Variants in GRM5 observed in about 807,000 individuals in gnomAD.
GRM5 encodes glutamate metabotropic receptor 5.
GRM5 carries 19 observed loss-of-function variants against 83.1 expected under a neutral mutation model. The ratio of observed to expected loss-of-function variants is 0.23; its 90% CI spans 0.16 to 0.34. The LOEUF (loss-of-function observed/expected upper bound fraction) is 0.34. GRM5 is among the 10% of genes least tolerant of loss of function. The pLI is 1.00. For synonymous variants in GRM5, 675 were observed against 633.6 expected, an observed-to-expected ratio of 1.07 and a Z score of -0.98; for missense variants, 1,160 against 1,588.3, an observed-to-expected ratio of 0.73 and a Z score of 4.58.
At chr11:89,063,840 A>G (rs1244157436) in intron 1 of GRM5, among the ~76,000 whole-genome samples, 2 of 152,222 alleles carry the variant, frequency 1.3e-5, no homozygotes, top group African/African-American at 4.8e-5. Flanking sequence ...CTGGATGGGT[A>G]GACCAGCTCT....
chr11:88,506,253 T>C lies in GRM5; in HGVS notation c.*2339A>G, dbSNP rs2135065915. 6.6e-6 allele frequency: 1 copy of C among 152,284 alleles called. No individual in the cohort carries two copies. The highest frequency in any genetic ancestry group is 1.5e-5 in the Non-Finnish European group (1 of 67,986). 9.4% of individuals were successfully genotyped at this position (152,284 alleles called of 1,614,324 possible). On this transcript the variant is annotated 3_prime_UTR_variant, in exon 10 of 10. Coordinates refer to ENST00000305447, the MANE Select transcript of GRM5 (RefSeq NM_001143831.3). ...TGTTACTAAAAAAATAGAAAATGAA[T>C]TTGACCATGAACAAAGTTTAAACAT... is the stretch of plus-strand genomic sequence containing the variant.
chr11:88,782,431 A>G lies in GRM5; in HGVS notation c.911+67475T>C, dbSNP rs143983590. Among the ~76,000 whole-genome samples, 40 of 152,254 alleles carry G rather than the reference A, an allele frequency of 2.6e-4. No homozygotes were observed. The East Asian group carries it at 7.2e-3, about 27-fold the overall frequency. Reference sequence around the variant, plus strand: ...CCCATTTTTAAAACCATCAGATCCCATAAGACTTATTCACTGTCACAAGAA... The same window carrying G: ...CCCATTTTTAAAACCATCAGATCCCGTAAGACTTATTCACTGTCACAAGAA... On this transcript the variant is annotated intron_variant, in intron 3 of 9. Coordinates refer to ENST00000305447, the MANE Select transcript of GRM5 (RefSeq NM_001143831.3).
At chr11:88,740,118 TG>T (rs1941997548) in intron 3 of GRM5, among the ~76,000 whole-genome samples, 1 of 152,102 alleles carries the variant, frequency 6.6e-6, no homozygotes, top group Admixed American at 6.6e-5. Flanking sequence ...TACTTTGTAA[TG>T]GCTAAGTACA....
chr11:89,010,902 T>C (rs189875344), intron 2 of GRM5, among the ~76,000 whole-genome samples: 7 of 152,228 alleles, frequency 4.6e-5, no homozygotes, highest in Admixed American at 2.6e-4. Context: ...TATGAGAAAA[T>C]GAGAAGCCTT....
chr11:88,631,995 C>T (rs1017600954), intron 4 of GRM5, among the ~76,000 whole-genome samples: 1 of 152,086 alleles, frequency 6.6e-6, no homozygotes, highest in African/African-American at 2.4e-5. Context: ...TATTAAAGTA[C>T]TATTGACATA....
chr11:88,910,884 C>A (rs372349633), intron 2 of GRM5, among the ~76,000 whole-genome samples: 5 of 151,896 alleles, frequency 3.3e-5, no homozygotes, highest in Admixed American at 1.3e-4. Context: ...AAATATGCAA[C>A]CCAAAATCCA....
At position 88,508,263 on chromosome 11, in the gene GRM5, G is replaced by A. The variant is rs1941233880; in HGVS notation, c.*329C>T. On this transcript the variant is annotated 3_prime_UTR_variant, in exon 10 of 10. Coordinates refer to ENST00000305447, the MANE Select transcript of GRM5 (RefSeq NM_001143831.3). This position sits in a 1 kb window ranked among gnomAD's most constrained non-coding sequence, Gnocchi z 4.2. Reference sequence around the variant, plus strand: ...AACTATGCTCTTCACCCTCCGTTACGCTGTTTCACACGCACTGCTTCCCTA... The same window carrying A: ...AACTATGCTCTTCACCCTCCGTTACACTGTTTCACACGCACTGCTTCCCTA... The A allele has an allele frequency of 5.0e-6, 1 of 200,098 alleles. No individual in the cohort carries two copies. Among genetic ancestry groups the A allele is most frequent in the East Asian group, 1.2e-4 (1 of 8,032 alleles). 12.4% of individuals were successfully genotyped at this position (200,098 alleles called of 1,614,324 possible).
At chr11:89,058,849 A>T (rs1003488285) in intron 1 of GRM5, among the ~76,000 whole-genome samples, 1 of 152,216 alleles carries the variant, frequency 6.6e-6, no homozygotes, top group African/African-American at 2.4e-5. Flanking sequence ...AGTTTATTAT[A>T]ATTTTAACAA....
At chr11:88,819,423 A>T (rs1340915105) in intron 3 of GRM5, among the ~76,000 whole-genome samples, 1 of 152,216 alleles carries the variant, frequency 6.6e-6, no homozygotes, top group Non-Finnish European at 1.5e-5. Flanking sequence ...GTCTAAATTA[A>T]CATGTAGCTA....
At chr11:88,855,670 G>A (rs1413938286) in intron 2 of GRM5, among the ~76,000 whole-genome samples, 1 of 151,754 alleles carries the variant, frequency 6.6e-6, no homozygotes, top group Non-Finnish European at 1.5e-5. Flanking sequence ...GTTTTATCAT[G>A]GGATTTCTAA....
At chr11:89,048,185 A>G (rs1454384227) in intron 1 of GRM5, 113 bp from the exon 2 acceptor site, 1 of 250,674 alleles carries the variant, frequency 4.0e-6, no homozygotes, top group Non-Finnish European at 7.7e-6. Flanking sequence ...GATAACGAAG[A>G]AAAAAAATTC....
At chr11:88,601,096 T>G (rs1019646739) in intron 5 of GRM5, among the ~76,000 whole-genome samples, 9 of 152,346 alleles carry the variant, frequency 5.9e-5, no homozygotes, top group African/African-American at 1.9e-4. Context: ...AGGTAAATTT[T>G]TACTTGATGA....
intron 2 of GRM5, among the ~76,000 whole-genome samples, chr11:88,884,337 G>T (rs1945007586): frequency 6.6e-6 from 1 of 152,132 alleles, no homozygotes. Flanking sequence ...AAGCCCCTTT[G>T]TTTTGGCCAA....
intron 2 of GRM5, among the ~76,000 whole-genome samples, chr11:88,933,299 AAAT>A (rs1301583739): frequency 6.6e-6 from 1 of 151,156 alleles, no homozygotes; most frequent in Non-Finnish European, 1.5e-5. Context: ...CATAATTAAA[AAAT>A]AATAATAACA....
intron 3 of GRM5, among the ~76,000 whole-genome samples, chr11:88,763,288 GT>G (rs1418030507): frequency 9.9e-5 from 15 of 151,658 alleles, no homozygotes; most frequent in Non-Finnish European, 1.9e-4. Flanking sequence ...AGTCTGTAGG[GT>G]TAAATTAAGG....
intron 8 of GRM5, among the ~76,000 whole-genome samples, chr11:88,535,353 C>T (rs970554988): frequency 3.3e-5 from 5 of 152,204 alleles, no homozygotes; most frequent in African/African-American, 1.2e-4. Flanking sequence ...ATTAATAAAA[C>T]ACTGGAAAAC....
chr11:88,942,993 T>C (rs1938163975), intron 2 of GRM5, among the ~76,000 whole-genome samples: 2 of 152,068 alleles, frequency 1.3e-5, no homozygotes, highest in Admixed American at 6.6e-5. Context: ...ACCATTTCTT[T>C]ATTCCTTCCA....
chr11:88,999,618 GAACACTTTTAC>G (rs1940304171), intron 2 of GRM5, among the ~76,000 whole-genome samples: 1 of 152,086 alleles, frequency 6.6e-6, no homozygotes, highest in Admixed American at 6.5e-5. Context: ...GGAAAAATAG[GAACACTTTTAC>G]ACTGTTGGTG....
intron 2 of GRM5, among the ~76,000 whole-genome samples, chr11:89,003,995 G>A (rs1252299597): frequency 6.6e-6 from 1 of 152,174 alleles, no homozygotes; most frequent in Non-Finnish European, 1.5e-5. Context: ...TAAGGTCGGA[G>A]TGAAGGCTTA....
Sources: allele counts gnomAD v4.1 joint callset (sites outside exome capture counted in the v4.1 genomes callset), GRCh38; gene constraint gnomAD v4.1.1; non-coding constraint Gnocchi (gnomAD v3.1); transcripts MANE v1.5; gene names NCBI Gene and HGNC (gene_info 2026-07-23, HGNC 2026-07-21).